Variants in TLN2 observed in about 807,000 individuals in gnomAD.
TLN2 encodes the protein talin-2.
In TLN2, 118 loss-of-function variants were observed where a neutral mutation model predicts 294.7. The observed-to-expected ratio is 0.40, with a 90% CI of 0.34 to 0.47. The LOEUF is 0.47. TLN2 is among the 20% of genes least tolerant of loss of function. The pLI is 0.84. For synonymous variants in TLN2, 1,431 were observed against 1,304.5 expected (o/e 1.10, Z -2.09); for missense variants, 3,083 against 3,282.2 (o/e 0.94, Z 1.48).
At chr15:62,483,726 T>C (rs952982418) in intron 1 of TLN2, among the ~76,000 whole-genome samples, 4 of 152,192 alleles carry the variant, frequency 2.6e-5, no homozygotes, top group Non-Finnish European at 4.4e-5. Context: ...GTCTTGGGCA[T>C]GGGTCTTATT....
At chr15:62,575,925 A>G (rs532258263) in intron 1 of TLN2, among the ~76,000 whole-genome samples, 2 of 152,328 alleles carry the variant, frequency 1.3e-5, no homozygotes, top group African/African-American at 4.8e-5. Context: ...AAATTTCAGT[A>G]TTCCAAGTCA....
chr15:62,522,607 CTTG>C (rs999042146), intron 1 of TLN2, among the ~76,000 whole-genome samples: 5 of 152,042 alleles, frequency 3.3e-5, no homozygotes, highest in South Asian at 2.1e-4. Flanking sequence ...TGGGTATTTC[CTTG>C]TTGTTGTTTT....
chr15:62,405,159 G>A (rs1173630551), intron 1 of TLN2, among the ~76,000 whole-genome samples: 1 of 152,156 alleles, frequency 6.6e-6, no homozygotes, highest in Non-Finnish European at 1.5e-5. Context: ...ATGTGCTGTT[G>A]GAACCTGTCT....
At chr15:62,516,817 GC>G (rs1228458283) in intron 1 of TLN2, among the ~76,000 whole-genome samples, 1 of 152,170 alleles carries the variant, frequency 6.6e-6, no homozygotes, top group East Asian at 1.9e-4. Flanking sequence ...TTTTTTTGGG[GC>G]TGCTTATTTA....
rs1037615198 is a variant in TLN2 at position 62,751,050 on chromosome 15, A to T, written c.4209+559A>T. On this transcript the variant is annotated intron_variant, in intron 34 of 58. Coordinates refer to ENST00000636159, the MANE Select transcript of TLN2 (RefSeq NM_015059.3). ...AATTAAGATAATATAATGGCTTGTT[A>T]CCCTGCTCCTATCTTAACCTTACTC... Among the ~76,000 whole-genome samples the T allele has an allele frequency of 2.6e-5, 4 of 152,020 alleles. No homozygotes were observed. In the East Asian group the frequency reaches 7.7e-4, roughly 29 times the overall value.
intron 22 of TLN2, 66 bp from the exon 23 acceptor site, chr15:62,716,265 C>T (rs2059766785): frequency 2.8e-6 from 4 of 1,417,538 alleles, no homozygotes; most frequent in Non-Finnish European, 2.8e-6. Flanking sequence ...AAAAATAATA[C>T]TGAAGGCATG....
chr15:62,475,688 C>T (rs1369979908), intron 1 of TLN2, among the ~76,000 whole-genome samples: 1 of 152,174 alleles, frequency 6.6e-6, no homozygotes. Context: ...TCTTCCCCTG[C>T]TCAAATGTGA....
chr15:62,759,475 T>G (rs1225183350), intron 37 of TLN2, among the ~76,000 whole-genome samples: 2 of 152,246 alleles, frequency 1.3e-5, no homozygotes, highest in Non-Finnish European at 1.5e-5. Context: ...ATTCTAATAG[T>G]GCTGTCTGTG....
At chr15:62,694,420 C>G in intron 14 of TLN2, 28 bp downstream of exon 14, 1 of 1,590,968 alleles carries the variant, frequency 6.3e-7, no homozygotes, top group Non-Finnish European at 8.6e-7. Context: ...TACTAGAGGA[C>G]CACCTTCTCC....
chr15:62,708,778 A>G lies in TLN2; in HGVS notation c.2449A>G (p.Ser817Gly), dbSNP rs748048296. 1.1e-5 allele frequency: 17 copies of G among 1,604,246 alleles called. No homozygotes were observed. The South Asian group carries it at 1.6e-4, about 16-fold the overall frequency. Reference protein sequence around the residue: ...TIMCVTESIFSSMGDAGEMVR... With the variant: ...TIMCVTESIFGSMGDAGEMVR... ...CATGTGTGTCACCGAGAGCATCTTC[A>G]GCTCCATGGGTGACGCTGGTAAGGC... Residue 817 changes from serine to glycine, a missense_variant, in exon 21 of 59, where the codon AGC becomes GGC. Coordinates refer to ENST00000636159, the MANE Select transcript of TLN2 (RefSeq NM_015059.3).
intron 1 of TLN2, among the ~76,000 whole-genome samples, chr15:62,535,251 T>TG (rs2041270038): frequency 6.6e-6 from 1 of 152,128 alleles, no homozygotes; most frequent in African/African-American, 2.4e-5. Flanking sequence ...CAAGTGCCAC[T>TG]GGGGCACTTC....
chr15:62,798,692 C>T (rs2141137966), intron 48 of TLN2, among the ~76,000 whole-genome samples: 1 of 152,320 alleles, frequency 6.6e-6, no homozygotes, highest in South Asian at 2.1e-4. Flanking sequence ...CATTCAGTGC[C>T]CCCAGGGGAT....
intron 42 of TLN2, among the ~76,000 whole-genome samples, chr15:62,772,193 G>A (rs1387637511): frequency 2.0e-5 from 3 of 152,126 alleles, no homozygotes; most frequent in African/African-American, 4.8e-5. Context: ...CCGGCCTCGA[G>A]CAATCCTCCC....
chr15:62,690,500 C>G (rs1324163973), intron 12 of TLN2: 36 of 162,116 alleles, frequency 2.2e-4, no homozygotes, highest in Non-Finnish European at 4.0e-4. Context: ...GGGATGGCGG[C>G]CGGGCAGAGA....
intron 51 of TLN2, among the ~76,000 whole-genome samples, chr15:62,808,899 G>C (rs539611176): frequency 1.5e-4 from 23 of 152,222 alleles, no homozygotes; most frequent in Admixed American, 2.6e-4. Flanking sequence ...GTAAGTCAAG[G>C]GGGGAGCCCA....
intron 1 of TLN2, among the ~76,000 whole-genome samples, chr15:62,500,961 G>C (rs2039274724): frequency 6.6e-6 from 1 of 152,218 alleles, no homozygotes; most frequent in Non-Finnish European, 1.5e-5. Context: ...TTAAAATTTG[G>C]TAACCTAAGG....
intron 50 of TLN2, 45 bp downstream of exon 50, chr15:62,800,814 G>C: frequency 6.5e-7 from 1 of 1,527,482 alleles, no homozygotes; most frequent in Non-Finnish European, 9.0e-7. Flanking sequence ...GAGTCCCACA[G>C]CTGACCCCAG....
intron 1 of TLN2, among the ~76,000 whole-genome samples, chr15:62,501,917 A>G (rs545792750): frequency 2.0e-5 from 3 of 152,334 alleles, no homozygotes; most frequent in African/African-American, 7.2e-5. Context: ...ATGGAGGGTC[A>G]AATACCAAGA....
At chr15:62,784,351 A>C (rs2064454177) in intron 45 of TLN2, 1 of 194,330 alleles carries the variant, frequency 5.1e-6, no homozygotes, top group Admixed American at 5.9e-5. Flanking sequence ...TCATGAAACA[A>C]AGTCTTGCCT....
Sources: allele counts gnomAD v4.1 joint callset (sites outside exome capture counted in the v4.1 genomes callset), GRCh38; gene constraint gnomAD v4.1.1; transcripts MANE v1.5; gene names NCBI Gene and HGNC (gene_info 2026-07-23, HGNC 2026-07-21).